CENPF: variants seen among roughly 807,000 people sequenced by gnomAD.
CENPF encodes the protein AH antigen.
A neutral mutation model predicts 307.3 loss-of-function variants in CENPF; 214 were observed. That is an observed-to-expected ratio of 0.70 (90% CI 0.62 to 0.78). The LOEUF (loss-of-function observed/expected upper bound fraction) is 0.78. Ranked by LOEUF, CENPF falls within the 30% of genes least tolerant of loss-of-function variation. The pLI is 0.00. For synonymous variants in CENPF, 1,259 were observed against 1,270.6 expected (o/e 0.99, Z 0.19); for missense variants, 3,401 against 3,483.9 (o/e 0.98, Z 0.60).
In CENPF at chr1:214,622,228, T is replaced by C. The variant is rs1296280461; in HGVS notation, c.1015T>C (p.Cys339Arg). The change falls in exon 7 of 20, where the codon TGT becomes CGT. Residue 339 changes from cysteine (C) to arginine (R), a missense_variant. Transcript: ENST00000366955. ...TGAAAAAGAGAAAGTTTTGAACAAA[T>C]GTAGGGATGAACTAGTGAGAACAAC... ...LIEKEKVLNK[C>R]RDELVRTTAQ... The C allele has an allele frequency of 6.2e-7, 1 of 1,614,034 alleles. No individual in the cohort carries two copies. The highest frequency in any genetic ancestry group is 8.5e-7 in the Non-Finnish European group (1 of 1,179,958).
At position 214,644,649 on chromosome 1, in the gene CENPF, T is replaced by A; in HGVS notation, c.5079T>A (p.Ile1693=). Residue 1693 remains isoleucine (I), a synonymous_variant, in exon 13 of 20, where the codon ATT becomes ATA. Coordinates refer to ENST00000366955, the MANE Select transcript of CENPF (RefSeq NM_016343.4). The stretch of plus-strand genomic sequence containing the variant: ...CACCAAAGCATGATGTTCATCAGAT[T>A]TGTGATAAAGATGCTCAGCAGGACC... ...ERTPKHDVHQ[I]CDKDAQQDLN... is the part of the protein sequence containing the mutation. 1.2e-6 allele frequency: 2 copies of A among 1,614,040 alleles called. No individual in the cohort carries two copies. The highest frequency in any genetic ancestry group is 1.7e-6 in the Non-Finnish European group (2 of 1,179,960).
intron 14 of CENPF, among the ~76,000 whole-genome samples, chr1:214,650,533 CAG>C (rs1342640036): frequency 1.3e-5 from 2 of 152,064 alleles, no homozygotes; most frequent in African/African-American, 4.8e-5. Flanking sequence ...GCAAAGAAGA[CAG>C]AGAGAAGGCT....
At chr1:214,604,740 A>G (rs2102520566) in intron 1 of CENPF, among the ~76,000 whole-genome samples, 3 of 152,246 alleles carry the variant, frequency 2.0e-5, no homozygotes, top group Admixed American at 2.0e-4. Flanking sequence ...ATATTGAGAC[A>G]GGGTCAGTTG....
chr1:214,603,865 A>AT (rs1315652288), intron 1 of CENPF, among the ~76,000 whole-genome samples: 1 of 150,556 alleles, frequency 6.6e-6, no homozygotes, highest in Non-Finnish European at 1.5e-5. Context: ...GCCTCCCTAT[A>AT]TTGCCTAGGC....
In CENPF at chr1:214,647,303, C is replaced by T; in HGVS notation, c.7733C>T (p.Ser2578Phe). Reference protein sequence around the residue: ...KIQVLQSKNASLQDTLEVLQS... With the variant: ...KIQVLQSKNAFLQDTLEVLQS... ...CAAGTGCTACAATCCAAAAATGCCT[C>T]TTTGCAGGACACATTAGAAGTGCTG... The change falls in exon 13 of 20, where the codon TCT (serine) becomes TTT (phenylalanine). Residue 2578 changes from serine (S) to phenylalanine (F), a missense_variant. By Grantham distance (155) the Ser-to-Phe change is radical (BLOSUM62 -2). Transcript: ENST00000366955. 6.2e-7 allele frequency: 1 copy of T among 1,614,030 alleles called. No homozygotes were observed. The highest frequency in any genetic ancestry group is 8.5e-7 in the Non-Finnish European group (1 of 1,179,934).
chr1:214,608,229 C>G (rs1349672705), intron 1 of CENPF: 31 of 1,379,806 alleles, frequency 2.2e-5, no homozygotes, highest in Middle Eastern at 4.0e-4. Context: ...GCCCACCTTC[C>G]TCCCAGGGAA....
At position 214,649,638 on chromosome 1, in the gene CENPF, A is replaced by G. The variant is rs774666889; in HGVS notation, c.7983+811A>G. 5.9e-5 allele frequency among the ~76,000 whole-genome samples: 9 copies of G among 152,278 alleles called. No homozygotes were observed. In the East Asian group the frequency reaches 1.7e-3, roughly 29 times the overall value. Reference sequence around the variant, plus strand: ...TATAGTATTTAATCTATGAAAATGGAAAGGTTTTGGCATCAAATCTCAGGA... The same window carrying G: ...TATAGTATTTAATCTATGAAAATGGGAAGGTTTTGGCATCAAATCTCAGGA... On this transcript the variant is annotated intron_variant, in intron 14 of 19. Coordinates refer to ENST00000366955, the MANE Select transcript of CENPF (RefSeq NM_016343.4).
At chr1:214,624,585 A>T (rs1657601777) in intron 7 of CENPF, among the ~76,000 whole-genome samples, 1 of 152,074 alleles carries the variant, frequency 6.6e-6, no homozygotes, top group African/African-American at 2.4e-5. Context: ...ATTTGTAGTG[A>T]TATTCCTTGT....
At chr1:214,662,061 G>A (rs1017878133) in intron 19 of CENPF, among the ~76,000 whole-genome samples, 4 of 152,120 alleles carry the variant, frequency 2.6e-5, no homozygotes, top group African/African-American at 9.7e-5. Flanking sequence ...CAGAAATTGA[G>A]TCTAGAGGGG....
At chr1:214,609,524 T>C (rs1657144454) in intron 1 of CENPF, among the ~76,000 whole-genome samples, 1 of 152,174 alleles carries the variant, frequency 6.6e-6, no homozygotes, top group African/African-American at 2.4e-5. Context: ...TATCTTGTCA[T>C]GCATTTTCTT....
In CENPF at chr1:214,640,486, G is replaced by C; in HGVS notation, c.2148G>C (p.Lys716Asn). The change falls in exon 12 of 20, where the codon AAG becomes AAC. Residue 716 changes from lysine (K) to asparagine (N), a missense_variant. Coordinates refer to ENST00000366955, the MANE Select transcript of CENPF (RefSeq NM_016343.4). The part of the protein sequence containing the change: ...KAEFSDQKHQ[K>N]EIENMCLKTS... ...AGTTCTCAGATCAGAAACATCAGAA[G>C]GAAATAGAAAATATGTGTTTGAAGA... 6.2e-7 allele frequency: 1 copy of C among 1,614,078 alleles called. No individual in the cohort carries two copies. Among genetic ancestry groups the C allele is most frequent in the Non-Finnish European group, 8.5e-7 (1 of 1,179,994 alleles).
At chr1:214,619,399 G>A (rs1315035804) in intron 5 of CENPF, among the ~76,000 whole-genome samples, 179 bp downstream of exon 5, 1 of 152,090 alleles carries the variant, frequency 6.6e-6, no homozygotes, top group African/African-American at 2.4e-5. Flanking sequence ...AAAATAGGGT[G>A]GAATGAATAA....
chr1:214,648,881 T>A, intron 14 of CENPF, 54 bp downstream of exon 14: 1 of 1,554,758 alleles, frequency 6.4e-7, no homozygotes, highest in Non-Finnish European at 8.8e-7. Context: ...TTGTGCACAC[T>A]CTCCTTATTG....
Position 214,613,331 on chromosome 1 carries a change from C to T in CENPF, c.-41-383C>T, listed in dbSNP as rs1657248052. On this transcript the variant is annotated intron_variant, in intron 1 of 19. Transcript: ENST00000366955. The stretch of plus-strand genomic sequence containing the variant: ...CCACCTCCTACCTTTTTCTGGCCTT[C>T]TTCGAGTTCTTCCATCAGTTGGAAA... 6 of 249,128 alleles carry T rather than the reference C, an allele frequency of 2.4e-5. No homozygotes were observed. In the South Asian group the frequency reaches 3.6e-4, roughly 15 times the overall value. The allele number at this position is 249,128 out of a possible 1,614,324, so 15.4% of individuals were successfully genotyped here. A position where few individuals can be genotyped will look rare whatever the true frequency, so the allele number is the denominator to read the frequency against.
chr1:214,629,723 T>C (rs1657752815), intron 8 of CENPF, among the ~76,000 whole-genome samples: 1 of 152,086 alleles, frequency 6.6e-6, no homozygotes, highest in East Asian at 1.9e-4. Flanking sequence ...GGCTAATTTT[T>C]GTATTTTTAG....
At position 214,645,578 on chromosome 1, in the gene CENPF, A is replaced by C. The variant is rs772543101; in HGVS notation, c.6008A>C (p.Gln2003Pro). 6.2e-7 allele frequency: 1 copy of C among 1,614,030 alleles called. No homozygotes were observed. The highest frequency in any genetic ancestry group is 1.3e-5 in the African/African-American group (1 of 74,928). ...SHQSECLHCI[Q>P]VAEAEVKEKT... The stretch of plus-strand genomic sequence containing the variant: ...CAAAGTGAGTGTCTCCATTGCATTC[A>C]GGTGGCAGAGGCAGAGGTGAAGGAA... The change falls in exon 13 of 20, where the codon CAG becomes CCG. Residue 2003 changes from glutamine (Q) to proline (P), a missense_variant. Transcript: ENST00000366955.
rs765951163 is a variant in CENPF, at chr1:214,645,819, T to C, written c.6249T>C (p.Asp2083=). 2.5e-6 allele frequency: 4 copies of C among 1,614,082 alleles called. No individual in the cohort carries two copies. In the South Asian group the frequency reaches 4.4e-5, roughly 18 times the overall value. ...ESLQARLSES[D]YEKLNVSKAL... ...TGCAGGCCAGACTGAGTGAATCAGA[T>C]TATGAAAAGCTGAATGTCTCCAAGG... The change falls in exon 13 of 20, where the codon GAT becomes GAC. Residue 2083 remains aspartate, a synonymous_variant. Coordinates refer to ENST00000366955, the MANE Select transcript of CENPF (RefSeq NM_016343.4).
intron 19 of CENPF, among the ~76,000 whole-genome samples, chr1:214,660,343 C>T (rs937329500): frequency 6.6e-6 from 1 of 152,178 alleles, no homozygotes; most frequent in African/African-American, 2.4e-5. Flanking sequence ...AAATTTTTCT[C>T]CCCTCCCCTA....
chr1:214,637,727 A>T, intron 10 of CENPF, 139 bp from the exon 11 acceptor site: 1 of 723,740 alleles, frequency 1.4e-6, no homozygotes, highest in Non-Finnish European at 2.2e-6. Context: ...TGACTTCATT[A>T]GGTACTCAAA....
Sources: gnomAD v4.1 joint callset for allele counts (sites outside exome capture counted in the v4.1 genomes callset) on GRCh38, gnomAD v4.1.1 for gene constraint, MANE v1.5 for transcripts, NCBI Gene and HGNC (gene_info 2026-07-23, HGNC 2026-07-21) for gene names.